The following TCF4 variants were observed in gnomAD, a reference collection of about 807,000 sequenced individuals.
The protein encoded by TCF4 is SL3-3 enhancer factor 2.
TCF4 carries 3 observed loss-of-function variants against 82.1 expected under a neutral mutation model. The observed-to-expected ratio is 0.04, with a 90% confidence interval of 0.02 to 0.09. The LOEUF is 0.09. Ranked by LOEUF, TCF4 falls within the 10% of genes least tolerant of loss-of-function variation. The probability of loss-of-function intolerance (pLI) is 1.00; values close to 1 mark genes in which losing one functional copy is unlikely to be tolerated. For missense variants in TCF4, 518 were observed against 852.7 expected, an observed-to-expected ratio of 0.61 and a Z score of 4.89; for synonymous variants, 276 against 309.6, an observed-to-expected ratio of 0.89 and a Z score of 1.14.
intron 2 of TCF4, among the ~76,000 whole-genome samples, chr18:55,595,125 A>G (rs2097689567): frequency 6.6e-6 from 1 of 152,240 alleles, no homozygotes; most frequent in South Asian, 2.1e-4. Flanking sequence ...TTATGATTAG[A>G]AGGAGCCTTC....
chr18:55,343,150 A>T (rs1359764069), intron 8 of TCF4, among the ~76,000 whole-genome samples: 3 of 152,128 alleles, frequency 2.0e-5, no homozygotes, highest in Non-Finnish European at 4.4e-5. Context: ...TTTCATGATT[A>T]AATGTACTTG....
At chr18:55,590,680 A>T (rs2097683749), upstream of TCF4, among the ~76,000 whole-genome samples, 1 of 152,240 alleles carries the variant, frequency 6.6e-6, no homozygotes. Context: ...TTAAATGGAA[A>T]TTTCCCTACT....
At chr18:55,514,405 G>GCACA (rs74182104) in intron 3 of TCF4, among the ~76,000 whole-genome samples, 3,171 of 130,242 alleles carry the variant, frequency 0.024, 46 homozygotes, top group South Asian at 0.033. Flanking sequence ...ATCTATCCAT[G>GCACA]CACACACACA....
At chr18:55,553,877 A>G (rs1369181806) in intron 3 of TCF4, among the ~76,000 whole-genome samples, 3 of 152,220 alleles carry the variant, frequency 2.0e-5, no homozygotes. Context: ...CACTTACTTT[A>G]AGAGAAAGAG....
At chr18:55,621,454 T>TA (rs1169351603) in intron 2 of TCF4, among the ~76,000 whole-genome samples, 26 of 63,182 alleles carry the variant, frequency 4.1e-4, no homozygotes, top group African/African-American at 1.4e-3. Context: ...ATATAATATA[T>TA]ATAATATATA....
At chr18:55,342,236 C>T (rs2080143288) in intron 8 of TCF4, among the ~76,000 whole-genome samples, 1 of 152,030 alleles carries the variant, frequency 6.6e-6, no homozygotes, top group Non-Finnish European at 1.5e-5. Flanking sequence ...TTACTGACTG[C>T]AGTTTGAATT....
At position 55,369,418 on chromosome 18, in the gene TCF4, A is replaced by C. The variant is rs944991403; in HGVS notation, c.370-18415T>G. On this transcript the variant is annotated intron_variant, in intron 6 of 19. Transcript: ENST00000354452. Reference sequence around the variant, plus strand: ...AGCAGATGGTCAGAGAAAGAACCAGAAGTCCCACTTGATTTGAGGACAAGG... The same window carrying C: ...AGCAGATGGTCAGAGAAAGAACCAGCAGTCCCACTTGATTTGAGGACAAGG... 5.3e-5 allele frequency among the ~76,000 whole-genome samples: 8 copies of C among 152,230 alleles called. No individual in the cohort carries two copies. The South Asian group carries it at 1.7e-3, about 32-fold the overall frequency.
Position 55,409,780 on chromosome 18 carries a change from C to T in TCF4, c.305-6262G>A, listed in dbSNP as rs188489689. 7.0e-4 allele frequency among the ~76,000 whole-genome samples: 107 copies of T among 152,198 alleles called. 1 individual carries two copies. Among genetic ancestry groups the T allele is most frequent in the African/African-American group, 2.5e-3 (102 of 41,516 alleles). On this transcript the variant is annotated intron_variant, in intron 5 of 19. Coordinates refer to ENST00000354452, the MANE Select transcript of TCF4 (RefSeq NM_001083962.2). The stretch of plus-strand genomic sequence containing the variant: ...GGTTTCTATTGGCTTATATGTCTTA[C>T]GGTAATCTGTGGCCATGCAGGTATA...
At chr18:55,635,880 C>T in exon 1 of TCF4, 3 of 1,568,040 alleles carry the variant, frequency 1.9e-6, no homozygotes, top group Non-Finnish European at 2.6e-6. Context: ...GTATTTTCTC[C>T]AGCCTTTTAG....
At chr18:55,286,770 T>C (rs546585440) in intron 8 of TCF4, among the ~76,000 whole-genome samples, 1 of 152,336 alleles carries the variant, frequency 6.6e-6, no homozygotes, top group African/African-American at 2.4e-5. Flanking sequence ...CAAGGAATAT[T>C]TACTAATGGA....
intron 5 of TCF4, among the ~76,000 whole-genome samples, chr18:55,413,248 G>C (rs1005703450): frequency 6.6e-6 from 1 of 152,006 alleles, no homozygotes; most frequent in Non-Finnish European, 1.5e-5. Flanking sequence ...ATTTGTATAC[G>C]TATCTGTAAT....
At chr18:55,432,719 CT>C (rs2095239588) in intron 5 of TCF4, among the ~76,000 whole-genome samples, 1 of 152,232 alleles carries the variant, frequency 6.6e-6, no homozygotes, top group Non-Finnish European at 1.5e-5. Context: ...CTTCTAAGTG[CT>C]TTCCTAATAT....
intron 3 of TCF4, among the ~76,000 whole-genome samples, chr18:55,547,987 C>T (rs1246150253): frequency 1.3e-5 from 2 of 152,078 alleles, no homozygotes; most frequent in African/African-American, 4.8e-5. Context: ...ACCCCATCCT[C>T]CCCATTTCAA....
intron 8 of TCF4, among the ~76,000 whole-genome samples, chr18:55,286,799 C>T (rs565173848): frequency 6.6e-6 from 1 of 152,288 alleles, no homozygotes; most frequent in South Asian, 2.1e-4. Context: ...AATCCTCCTT[C>T]ACGTCCAAGT....
At chr18:55,268,208 C>T (rs985650710) in intron 11 of TCF4, 2 of 152,070 alleles carry the variant, frequency 1.3e-5, no homozygotes, top group African/African-American at 2.4e-5. Flanking sequence ...CACCTTCATA[C>T]CTTCCTAAAA....
chr18:55,525,366 C>T lies in TCF4; in HGVS notation c.145+59914G>A, dbSNP rs182598449. Among the ~76,000 whole-genome samples, 487 of 152,004 alleles carry T rather than the reference C, an allele frequency of 3.2e-3. 6 individuals are homozygous for T. Among genetic ancestry groups the T allele is most frequent in the Non-Finnish European group, 2.3e-3 (155 of 67,974 alleles). On this transcript the variant is annotated intron_variant, in intron 3 of 19. Transcript: ENST00000354452. ...CTCTTCTACCCATAATGAAGAAATACCACACTCTAAATCAAAGACCAGGTA... is the reference window on the plus strand; with the variant it reads ...CTCTTCTACCCATAATGAAGAAATATCACACTCTAAATCAAAGACCAGGTA...
intron 15 of TCF4, among the ~76,000 whole-genome samples, chr18:55,242,749 A>G (rs1266058173): frequency 6.6e-6 from 1 of 152,012 alleles, no homozygotes; most frequent in Non-Finnish European, 1.5e-5. Flanking sequence ...AGCTGGGATT[A>G]CAGGCGTGCA....
At chr18:55,381,855 G>A (rs571614537) in intron 6 of TCF4, among the ~76,000 whole-genome samples, 1 of 151,420 alleles carries the variant, frequency 6.6e-6, no homozygotes, top group South Asian at 2.1e-4. Context: ...TTACTCATTT[G>A]TGAAATAAGG....
chr18:55,369,720 C>T (rs762712452), intron 6 of TCF4, among the ~76,000 whole-genome samples: 3 of 151,772 alleles, frequency 2.0e-5, no homozygotes, highest in East Asian at 1.9e-4. Context: ...TGTTGGGGGG[C>T]GCAGATATCA....
Sources: allele counts gnomAD v4.1 joint callset (sites outside exome capture counted in the v4.1 genomes callset), GRCh38; gene constraint gnomAD v4.1.1; transcripts MANE v1.5; gene names NCBI Gene and HGNC (gene_info 2026-07-23, HGNC 2026-07-21).